Variants in FAT3 observed in about 807,000 individuals in gnomAD.
FAT3 encodes the protein protocadherin Fat 3.
Under a neutral mutation model 310.2 loss-of-function variants are expected in FAT3, and 95 were observed. The ratio of observed to expected loss-of-function variants is 0.31; its 90% confidence interval spans 0.26 to 0.36. The LOEUF is 0.36. FAT3 is among the 10% of genes least tolerant of loss of function. The probability of loss-of-function intolerance (pLI) is 1.00; values close to 1 mark genes in which losing one functional copy is unlikely to be tolerated. For synonymous variants in FAT3, 2,314 were observed against 2,192.9 expected (o/e 1.06, Z -1.54); for missense variants, 5,408 against 5,715.6 (o/e 0.95, Z 1.74).
intron 17 of FAT3, 29 bp downstream of exon 17, chr11:92,837,835 G>A (rs1055488804): frequency 6.2e-7 from 1 of 1,613,630 alleles, no homozygotes. Flanking sequence ...CCAAGCACTT[G>A]TCCCTTTGCA....
At chr11:92,772,296 C>T (rs764816735) in intron 6 of FAT3, among the ~76,000 whole-genome samples, 31 of 152,128 alleles carry the variant, frequency 2.0e-4, no homozygotes, top group Non-Finnish European at 3.1e-4. Flanking sequence ...AATTTTATGT[C>T]CTTTCTTTGA....
chr11:92,554,981 AATTTGC>A (rs141201679), intron 3 of FAT3, among the ~76,000 whole-genome samples: 15 of 152,330 alleles, frequency 9.8e-5, no homozygotes, highest in African/African-American at 3.1e-4. Context: ...TGACTGTGCT[AATTTGC>A]CAGTATCTTA....
intron 2 of FAT3, among the ~76,000 whole-genome samples, chr11:92,473,440 CT>C (rs1230502131): frequency 2.6e-5 from 4 of 152,008 alleles, no homozygotes; most frequent in Admixed American, 2.6e-4. Context: ...CTTTGAGACC[CT>C]TTTTTAGTTG....
At chr11:92,260,998 A>G (rs930302346) in intron 1 of FAT3, among the ~76,000 whole-genome samples, 3 of 152,114 alleles carry the variant, frequency 2.0e-5, no homozygotes, top group African/African-American at 7.2e-5. Context: ...ATCTGTGGGT[A>G]GTGTGCTGAT....
At chr11:92,286,338 G>T (rs890367796) in intron 1 of FAT3, among the ~76,000 whole-genome samples, 1 of 152,126 alleles carries the variant, frequency 6.6e-6, no homozygotes, top group African/African-American at 2.4e-5. Flanking sequence ...ATTTCATGTT[G>T]CAGAAGCCTG....
intron 4 of FAT3, among the ~76,000 whole-genome samples, chr11:92,724,462 C>T (rs1565542301): frequency 6.6e-6 from 1 of 152,152 alleles, no homozygotes; most frequent in Non-Finnish European, 1.5e-5. Flanking sequence ...ATAGGAGGAG[C>T]TGCAAGATTT....
chr11:92,577,721 C>T (rs977541645), intron 3 of FAT3, among the ~76,000 whole-genome samples: 3 of 152,064 alleles, frequency 2.0e-5, no homozygotes, highest in Non-Finnish European at 4.4e-5. Flanking sequence ...TCCTGCAGGC[C>T]AGCAGCCTAG....
At chr11:92,879,838 G>T (rs1488067368) in intron 22 of FAT3, among the ~76,000 whole-genome samples, 1 of 152,186 alleles carries the variant, frequency 6.6e-6, no homozygotes, top group Non-Finnish European at 1.5e-5. Flanking sequence ...TACCCAGGTT[G>T]CTTCGGAGGA....
chr11:92,654,440 T>A (rs999795879), intron 3 of FAT3, among the ~76,000 whole-genome samples: 5 of 152,318 alleles, frequency 3.3e-5, no homozygotes, highest in African/African-American at 1.2e-4. Flanking sequence ...CGGGTCCTCT[T>A]ACCTGTATTA....
intron 3 of FAT3, among the ~76,000 whole-genome samples, chr11:92,554,670 T>G (rs1210472513): frequency 6.6e-6 from 1 of 152,054 alleles, no homozygotes; most frequent in Non-Finnish European, 1.5e-5. Context: ...AATGTAAAAG[T>G]CAGGAGTATA....
At position 92,799,683 on chromosome 11, in the gene FAT3, G is replaced by A. The variant is rs373492509; in HGVS notation, c.6670G>A (p.Asp2224Asn). The change falls in exon 10 of 28, where the codon GAT (aspartate) becomes AAT (asparagine). Residue 2224 changes from aspartate (D) to asparagine (N), a missense_variant. Asp to Asn is a conservative substitution (Grantham distance 23). Around this residue, in one of 5 missense-constraint regions of FAT3, gnomAD observed 4,588 missense variants for 4,809.8 expected, o/e 0.95. Coordinates refer to ENST00000525166, the MANE Select transcript of FAT3 (RefSeq NM_001367949.2). Reference sequence around the variant, plus strand: ...CCAAGGCATCATATATATCATTATCGATGGGGACCCTTTTAAACAGTTTAA... The same window carrying A: ...CCAAGGCATCATATATATCATTATCAATGGGGACCCTTTTAAACAGTTTAA... ...EGQGIIYIII[D>N]GDPFKQFNID... 14 of 1,613,230 alleles carry A rather than the reference G, an allele frequency of 8.7e-6. No individual in the cohort carries two copies. The highest frequency in any genetic ancestry group is 5.3e-5 in the African/African-American group (4 of 74,874).
chr11:92,320,869 CAAAAA>C (rs1555010869), intron 1 of FAT3, among the ~76,000 whole-genome samples: 76 of 104,828 alleles, frequency 7.2e-4, no homozygotes, highest in Admixed American at 2.0e-3. Context: ...AACTCCATCT[CAAAAA>C]AAAAAAGGGG....
chr11:92,801,346 C>G lies in FAT3; in HGVS notation c.8333C>G (p.Ala2778Gly), dbSNP rs1355011675. The change falls in exon 10 of 28, where the codon GCT (alanine) becomes GGT (glycine). Residue 2778 changes from alanine to glycine, a missense_variant. Coordinates refer to ENST00000525166, the MANE Select transcript of FAT3 (RefSeq NM_001367949.2). ...DKRLDRETSPAFHFKVAATIP... is the reference protein window; with the variant it reads ...DKRLDRETSPGFHFKVAATIP... Reference sequence around the variant, plus strand: ...CGCCTTGACCGTGAAACCAGCCCAGCTTTCCACTTTAAAGTAGCAGCCACT... The same window carrying G: ...CGCCTTGACCGTGAAACCAGCCCAGGTTTCCACTTTAAAGTAGCAGCCACT... The G allele has an allele frequency of 6.2e-7, 1 of 1,613,864 alleles. No homozygotes were observed. The highest frequency in any genetic ancestry group is 8.5e-7 in the Non-Finnish European group (1 of 1,179,878).
At position 92,353,265 on chromosome 11, in the gene FAT3, A is replaced by C. The variant is rs201900021; in HGVS notation, c.1153A>C (p.Ile385Leu). Reference sequence around the variant, plus strand: ...TGAAAAAGAAGTGTACGATGTGAGCATAAGTGAATTTTCCCCTCCTGGTGT... The same window carrying C: ...TGAAAAAGAAGTGTACGATGTGAGCCTAAGTGAATTTTCCCCTCCTGGTGT... ...RFEKEVYDVS[I>L]SEFSPPGVVV... is the part of the protein sequence containing the mutation. Residue 385 changes from isoleucine to leucine, a missense_variant, in exon 2 of 28, where the codon ATA becomes CTA. Ile to Leu is a conservative substitution (Grantham distance 5, BLOSUM62 2). This residue lies in a region of FAT3 where 4,588 missense variants were observed against 4,809.8 expected (regional missense o/e 0.95). Transcript: ENST00000525166. 5 of 1,613,636 alleles carry C rather than the reference A, an allele frequency of 3.1e-6. No individual in the cohort carries two copies. Among genetic ancestry groups the C allele is most frequent in the East Asian group, 4.5e-5 (2 of 44,884 alleles).
intron 4 of FAT3, among the ~76,000 whole-genome samples, chr11:92,749,514 T>C (rs1208678052): frequency 6.6e-6 from 1 of 152,200 alleles, no homozygotes; most frequent in East Asian, 1.9e-4. Flanking sequence ...ATACCTAAGC[T>C]CTCATTTACT....
At chr11:92,325,413 T>TTTG (rs1475034184) in intron 1 of FAT3, among the ~76,000 whole-genome samples, 4 of 152,172 alleles carry the variant, frequency 2.6e-5, no homozygotes, top group Non-Finnish European at 5.9e-5. Flanking sequence ...ATAACAGTTT[T>TTTG]TTGTTGTTGT....
intron 2 of FAT3, among the ~76,000 whole-genome samples, chr11:92,397,254 G>A (rs1254182285): frequency 6.6e-6 from 1 of 152,102 alleles, no homozygotes; most frequent in African/African-American, 2.4e-5. Context: ...TGGGCACTAA[G>A]CAGTACATTT....
chr11:92,338,281 A>G lies in FAT3; in HGVS notation c.-17-13815A>G, dbSNP rs143734495. Reference sequence around the variant, plus strand: ...ATGTACACTTGGTTTTTAACAACATATACTCAGGGGTGGCCTAGAAGAAAA... The same window carrying G: ...ATGTACACTTGGTTTTTAACAACATGTACTCAGGGGTGGCCTAGAAGAAAA... On this transcript the variant is annotated intron_variant, in intron 1 of 27. Coordinates refer to ENST00000525166, the MANE Select transcript of FAT3 (RefSeq NM_001367949.2). Among the ~76,000 whole-genome samples the G allele has an allele frequency of 3.6e-3, 552 of 152,038 alleles. 17 individuals carry two copies. The highest frequency in any genetic ancestry group is 0.031 in the Admixed American group (478 of 15,250).
rs980728718 is a variant in FAT3 at position 92,759,789 on chromosome 11, G to A, written c.3670-2067G>A. Among the ~76,000 whole-genome samples, 28 of 152,260 alleles carry A rather than the reference G, an allele frequency of 1.8e-4. No homozygotes were observed. In the East Asian group the frequency reaches 4.8e-3, roughly 26 times the overall value. On this transcript the variant is annotated intron_variant, in intron 4 of 27. Coordinates refer to ENST00000525166, the MANE Select transcript of FAT3 (RefSeq NM_001367949.2). ...CATTTTATAGCAGCAGCATCCTCTA[G>A]TGAGCAGCGAACTGTTGCCAAGAGG...
Sources: gnomAD v4.1 joint callset for allele counts (sites outside exome capture counted in the v4.1 genomes callset) on GRCh38, gnomAD v4.1.1 for gene constraint, gnomAD v4.1.1 regional missense constraint, MANE v1.5 for transcripts, NCBI Gene and HGNC (gene_info 2026-07-23, HGNC 2026-07-21) for gene names.